CCDC169: variants seen among roughly 807,000 people sequenced by gnomAD.
CCDC169 encodes coiled-coil domain containing 169, also known as coiled-coil domain-containing protein 169.
CCDC169 carries 30 observed loss-of-function variants against 36.0 expected under a neutral mutation model. The observed-to-expected ratio is 0.83, with a 90% CI of 0.62 to 1.13. CCDC169 has a LOEUF of 1.13. Among genes scored for constraint, CCDC169 ranks in the 50% most tolerant of loss-of-function variants. CCDC169 has a pLI of 0.00. For synonymous variants in CCDC169, 85 were observed against 81.5 expected (o/e 1.04, Z -0.23); for missense variants, 245 against 245.9 (o/e 1.00, Z 0.03).
At chr13:36,266,302 T>C (rs1401519653) in intron 4 of CCDC169, among the ~76,000 whole-genome samples, 1 of 152,134 alleles carries the variant, frequency 6.6e-6, no homozygotes, top group Non-Finnish European at 1.5e-5. Flanking sequence ...AGTTGTCTTG[T>C]TGGGAAGAGG....
chr13:36,272,353 A>T (rs1876203067), intron 4 of CCDC169, among the ~76,000 whole-genome samples: 1 of 152,110 alleles, frequency 6.6e-6, no homozygotes, highest in Admixed American at 6.5e-5. Flanking sequence ...CTGCTTTAGT[A>T]GCTCCACTGC....
chr13:36,227,087 T>G (rs1452742419), downstream of CCDC169: 19 of 571,498 alleles, frequency 3.3e-5, no homozygotes, highest in Non-Finnish European at 4.8e-5. Context: ...GAAGCCACAC[T>G]AAACCAGCAG....
chr13:36,227,409 G>A, downstream of CCDC169: 1 of 1,500,076 alleles, frequency 6.7e-7, no homozygotes, highest in Non-Finnish European at 8.9e-7. Flanking sequence ...AATAGAACAT[G>A]AATAAGGACA....
intron 7 of CCDC169, among the ~76,000 whole-genome samples, chr13:36,243,628 G>A (rs192044338): frequency 1.3e-5 from 2 of 152,178 alleles, no homozygotes; most frequent in Non-Finnish European, 2.9e-5. Flanking sequence ...TCAACATGAA[G>A]AAACCCTGTC....
chr13:36,228,561 T>C (rs371624027), downstream of CCDC169, among the ~76,000 whole-genome samples: 5 of 152,272 alleles, frequency 3.3e-5, no homozygotes, highest in East Asian at 9.6e-4. Flanking sequence ...TAATTGGATT[T>C]TTTTTTCTTT....
chr13:36,269,322 T>C (rs1379216189), intron 4 of CCDC169, among the ~76,000 whole-genome samples: 1 of 152,152 alleles, frequency 6.6e-6, no homozygotes, highest in Non-Finnish European at 1.5e-5. Flanking sequence ...ACCAGATGGA[T>C]TCACAGCTAA....
At chr13:36,256,917 A>T (rs906614313) in intron 4 of CCDC169, among the ~76,000 whole-genome samples, 6 of 152,086 alleles carry the variant, frequency 3.9e-5, no homozygotes, top group Admixed American at 3.3e-4. Context: ...ATCACTAATT[A>T]CTACTGCCCA....
intron 7 of CCDC169, among the ~76,000 whole-genome samples, chr13:36,242,911 G>A (rs950881560): frequency 6.6e-6 from 1 of 152,164 alleles, no homozygotes; most frequent in African/African-American, 2.4e-5. Flanking sequence ...GGGGAGGAAT[G>A]AGTTTGGCAC....
chr13:36,230,879 C>T lies in CCDC169; in HGVS notation c.*314G>A, dbSNP rs990687549. On this transcript the variant is annotated 3_prime_UTR_variant, in exon 8 of 8. Transcript: ENST00000239859. ...TTTTTGCTAACAGTCAACTAGAAAC[C>T]AAATAGAATAGCAACGTTACTATCA... 1.7e-5 allele frequency: 17 copies of T among 1,018,868 alleles called. No individual in the cohort carries two copies. The highest frequency in any genetic ancestry group is 2.0e-5 in the Non-Finnish European group (17 of 852,884). The allele number at this position is 1,018,868 out of a possible 1,614,324, so 63.1% of individuals were successfully genotyped here.
At chr13:36,256,086 G>A (rs1460729907) in intron 4 of CCDC169, among the ~76,000 whole-genome samples, 1 of 152,164 alleles carries the variant, frequency 6.6e-6, no homozygotes, top group Non-Finnish European at 1.5e-5. Context: ...GCAATTTCTT[G>A]GCTGGGCAGC....
intron 7 of CCDC169, among the ~76,000 whole-genome samples, chr13:36,239,299 G>C (rs1276982640): frequency 6.6e-6 from 1 of 151,822 alleles, no homozygotes; most frequent in Non-Finnish European, 1.5e-5. Flanking sequence ...CACATAGTAA[G>C]AGAAAATATT....
intron 2 of CCDC169, among the ~76,000 whole-genome samples, chr13:36,285,765 C>T (rs1878176595): frequency 6.6e-6 from 1 of 152,046 alleles, no homozygotes; most frequent in South Asian, 2.1e-4. Context: ...TTTATTAACC[C>T]CAACATCAAC....
At chr13:36,295,670 A>C (rs1234761284) in intron 2 of CCDC169, 108 bp downstream of exon 2, 23 of 539,160 alleles carry the variant, frequency 4.3e-5, no homozygotes, top group Non-Finnish European at 7.3e-5. Context: ...GCAATACTGA[A>C]ATGTTGGTAC....
chr13:36,295,889 T>C lies in CCDC169; in HGVS notation c.84-32A>G, dbSNP rs948557659. 1.3e-5 allele frequency: 17 copies of C among 1,276,426 alleles called. No individual in the cohort carries two copies. In the East Asian group the frequency reaches 3.6e-4, roughly 27 times the overall value. 79.1% of individuals were successfully genotyped at this position (1,276,426 alleles called of 1,614,324 possible). On this transcript the variant is annotated intron_variant, in intron 1 of 7. Transcript: ENST00000239859. ...TTTAAAATATTTTTGTTGATTATAATTCAATTAAAAATAACATCAGAAAAA... is the reference window on the plus strand; with the variant it reads ...TTTAAAATATTTTTGTTGATTATAACTCAATTAAAAATAACATCAGAAAAA...
At chr13:36,250,644 T>A (rs1319536767) in intron 6 of CCDC169, among the ~76,000 whole-genome samples, 2 of 152,206 alleles carry the variant, frequency 1.3e-5, no homozygotes, top group African/African-American at 4.8e-5. Flanking sequence ...GAACCTATGT[T>A]ATGAGGAATG....
At chr13:36,287,357 A>G (rs1169538142) in intron 2 of CCDC169, among the ~76,000 whole-genome samples, 1 of 152,168 alleles carries the variant, frequency 6.6e-6, no homozygotes, top group African/African-American at 2.4e-5. Flanking sequence ...TTGGTTCACA[A>G]ATTTCCTTGG....
intron 7 of CCDC169, among the ~76,000 whole-genome samples, chr13:36,234,805 C>T (rs1870875073): frequency 6.6e-6 from 1 of 151,990 alleles, no homozygotes; most frequent in African/African-American, 2.4e-5. Context: ...CATCAGCAAA[C>T]CTGCCCTATA....
At chr13:36,239,898 T>TGA (rs960197052) in intron 7 of CCDC169, among the ~76,000 whole-genome samples, 5 of 151,814 alleles carry the variant, frequency 3.3e-5, no homozygotes, top group African/African-American at 7.3e-5. Flanking sequence ...TAAGCTATTT[T>TGA]GAGAGAGAGA....
chr13:36,257,019 T>C (rs9315408), intron 4 of CCDC169, among the ~76,000 whole-genome samples: 61,623 of 152,002 alleles, frequency 0.41, 13,275 homozygotes, highest in Non-Finnish European at 0.48. Flanking sequence ...TTCCATTTGC[T>C]AGTGGCCTGT....
Sources: gnomAD v4.1 joint callset for allele counts (sites outside exome capture counted in the v4.1 genomes callset) on GRCh38, gnomAD v4.1.1 for gene constraint, MANE v1.5 for transcripts, NCBI Gene and HGNC (gene_info 2026-07-23, HGNC 2026-07-21) for gene names.